Variants in SEMA5B observed in about 807,000 individuals in gnomAD.
SEMA5B encodes semaphorin 5B.
A neutral mutation model predicts 135.0 loss-of-function variants in SEMA5B; 66 were observed. The observed-to-expected ratio is 0.49, with a 90% CI of 0.40 to 0.60. SEMA5B has a LOEUF of 0.60. Among genes scored for constraint, SEMA5B ranks in the 20% least tolerant of loss-of-function variants. The pLI is 0.00. For synonymous variants in SEMA5B, 690 were observed against 639.5 expected (o/e 1.08, Z -1.19); for missense variants, 1,501 against 1,566.3 (o/e 0.96, Z 0.70).
At position 122,987,770 on chromosome 3, in the gene SEMA5B, G is replaced by A. The variant is rs559349988; in HGVS notation, c.-38-26469C>T. Reference sequence around the variant, plus strand: ...GAGAGCCACTGAAATTAATGGGGATGTAAACTACCTTGAATCCCTTTCTGG... The same window carrying A: ...GAGAGCCACTGAAATTAATGGGGATATAAACTACCTTGAATCCCTTTCTGG... On this transcript the variant is annotated intron_variant, in intron 1 of 22. Coordinates refer to ENST00000357599, the MANE Select transcript of SEMA5B (RefSeq NM_001031702.4). Among the ~76,000 whole-genome samples, 38 of 152,328 alleles carry A rather than the reference G, an allele frequency of 2.5e-4. 1 individual carries two copies. The highest frequency in any genetic ancestry group is 3.4e-3 in the Middle Eastern group (1 of 294).
intron 1 of SEMA5B, among the ~76,000 whole-genome samples, chr3:122,982,943 T>C (rs13095472): frequency 0.15 from 22,666 of 152,046 alleles, 2,326 homozygotes; most frequent in Admixed American, 0.34. Context: ...CTTTCGAGAG[T>C]CACTCTCTCC....
chr3:122,948,950 G>A (rs1258625121), intron 2 of SEMA5B, among the ~76,000 whole-genome samples: 1 of 152,144 alleles, frequency 6.6e-6, no homozygotes, highest in Non-Finnish European at 1.5e-5. Context: ...TTCTATTTAT[G>A]ATCCCAAATG....
At chr3:122,978,159 G>A (rs1235617648) in intron 1 of SEMA5B, among the ~76,000 whole-genome samples, 1 of 152,246 alleles carries the variant, frequency 6.6e-6, no homozygotes, top group Non-Finnish European at 1.5e-5. Context: ...ACCAGCACTG[G>A]CACTAACCCA....
rs76428306 is a variant in SEMA5B, at chr3:122,999,564, C to A, written c.-39+27900G>T. On this transcript the variant is annotated intron_variant, in intron 1 of 22. Coordinates refer to ENST00000357599, the MANE Select transcript of SEMA5B (RefSeq NM_001031702.4). The stretch of plus-strand genomic sequence containing the variant: ...TTTTTTTTAAACCCACCAAAGATAA[C>A]GACATCTGTACCTGAGGCAAATGGT... 0.012 allele frequency among the ~76,000 whole-genome samples: 1,852 copies of A among 151,730 alleles called. 80 individuals are homozygous for A. The East Asian group carries it at 0.15, about 12-fold the overall frequency.
At chr3:122,911,807 T>G in intron 20 of SEMA5B, 113 bp downstream of exon 20, 1 of 1,311,760 alleles carries the variant, frequency 7.6e-7, no homozygotes, top group Non-Finnish European at 1.0e-6. Flanking sequence ...CCCACTTCCA[T>G]GTTTCATCCT....
In SEMA5B at chr3:122,915,616, C is replaced by A. The variant is rs145094401; in HGVS notation, c.1812G>T (p.Arg604=). The A allele has an allele frequency of 2.7e-4, 428 of 1,611,436 alleles. 1 individual carries two copies. Among genetic ancestry groups the A allele is most frequent in the Non-Finnish European group, 3.3e-4 (392 of 1,178,344 alleles). ...WTQNITACPV[R]NVTRDGGFGP... ...CGAAGCCCCCATCCCGTGTCACATTCCGCACCTGAAGACACACATGGGAGA... is the reference window on the plus strand; with the variant it reads ...CGAAGCCCCCATCCCGTGTCACATTACGCACCTGAAGACACACATGGGAGA... The change falls in exon 14 of 23, where the codon CGG becomes CGT. Residue 604 remains arginine (R), a synonymous_variant. Coordinates refer to ENST00000357599, the MANE Select transcript of SEMA5B (RefSeq NM_001031702.4).
At chr3:123,020,657 C>T (rs1942654374) in intron 1 of SEMA5B, among the ~76,000 whole-genome samples, 1 of 152,216 alleles carries the variant, frequency 6.6e-6, no homozygotes, top group Admixed American at 6.5e-5. Flanking sequence ...GTCAGTGGCT[C>T]TCAACCATGG....
chr3:122,953,929 GT>G (rs1253259639), intron 2 of SEMA5B, among the ~76,000 whole-genome samples: 26 of 152,358 alleles, frequency 1.7e-4, no homozygotes, highest in African/African-American at 5.8e-4. Context: ...GGATGGTCAT[GT>G]GATCAAAACA....
chr3:122,940,827 G>A (rs1430339923), intron 4 of SEMA5B, among the ~76,000 whole-genome samples: 1 of 152,198 alleles, frequency 6.6e-6, no homozygotes, highest in Non-Finnish European at 1.5e-5. Flanking sequence ...CCTTAGCAGA[G>A]CTCTCCCTAT....
At chr3:122,959,959 G>A (rs1940502129) in intron 2 of SEMA5B, among the ~76,000 whole-genome samples, 2 of 152,192 alleles carry the variant, frequency 1.3e-5, no homozygotes, top group South Asian at 4.2e-4. Context: ...AAATGCTAAG[G>A]ATGTCGCCAG....
intron 1 of SEMA5B, among the ~76,000 whole-genome samples, chr3:123,009,271 C>T: frequency 6.6e-6 from 1 of 152,154 alleles, no homozygotes; most frequent in East Asian, 1.9e-4. Context: ...CTTTCTTCTC[C>T]ATTCCTCACT....
chr3:122,910,085 T>C lies in SEMA5B; in HGVS notation c.*58A>G. Reference sequence around the variant, plus strand: ...AAACCAAACTGGCTCCACTGTCCCATCTCCATCTGCTCTGTGCCTTATGAA... The same window carrying C: ...AAACCAAACTGGCTCCACTGTCCCACCTCCATCTGCTCTGTGCCTTATGAA... On this transcript the variant is annotated 3_prime_UTR_variant, in exon 23 of 23. Transcript: ENST00000357599. 1.3e-6 allele frequency: 2 copies of C among 1,577,752 alleles called. No individual in the cohort carries two copies. Among genetic ancestry groups the C allele is most frequent in the Non-Finnish European group, 1.7e-6 (2 of 1,160,526 alleles).
chr3:122,966,113 G>A (rs1038878510), intron 1 of SEMA5B, among the ~76,000 whole-genome samples: 6 of 152,086 alleles, frequency 3.9e-5, no homozygotes, highest in African/African-American at 1.2e-4. Context: ...CCCTTTAGAA[G>A]TTCCCTCCTC....
intron 1 of SEMA5B, among the ~76,000 whole-genome samples, 184 bp from the exon 2 acceptor site, chr3:122,961,485 G>T: frequency 6.6e-6 from 1 of 151,472 alleles, no homozygotes. Flanking sequence ...TTTTAGGCGG[G>T]GTCTTGCTCT....
chr3:123,027,649 C>A lies in SEMA5B; in HGVS notation c.-224G>T, dbSNP rs1457400854. Reference sequence around the variant, plus strand: ...CGGGCCCGCGCCCGCTGCGCTCGGGCTCCCAGCAGCCGCTGGATGCGCTGC... The same window carrying A: ...CGGGCCCGCGCCCGCTGCGCTCGGGATCCCAGCAGCCGCTGGATGCGCTGC... On this transcript the variant is annotated 5_prime_UTR_variant, in exon 1 of 23. Transcript: ENST00000357599. 6.6e-6 allele frequency: 1 copy of A among 152,208 alleles called. No individual in the cohort carries two copies. Among genetic ancestry groups the A allele is most frequent in the African/African-American group, 2.4e-5 (1 of 41,444 alleles). 9.4% of individuals were successfully genotyped at this position (152,208 alleles called of 1,614,324 possible). A position where few individuals can be genotyped will look rare whatever the true frequency, so the allele number is the denominator to read the frequency against.
chr3:122,911,046 C>G lies in SEMA5B; in HGVS notation c.3092-1G>C. On this transcript the variant is annotated splice_acceptor_variant, in intron 21 of 22. Coordinates refer to ENST00000357599, the MANE Select transcript of SEMA5B (RefSeq NM_001031702.4). LOFTEE classifies it high-confidence loss of function. ...GCCACCAAGTGGATGAGATTGAACC[C>G]TAGGGGAAGAGAGGCAGGTAGTAAG... The G allele has an allele frequency of 6.2e-7, 1 of 1,609,558 alleles. No homozygotes were observed. Among genetic ancestry groups the G allele is most frequent in the Non-Finnish European group, 8.5e-7 (1 of 1,176,894 alleles).
Position 122,910,877 on chromosome 3 carries a change from G to T in SEMA5B, c.3260C>A (p.Thr1087Asn). The change falls in exon 22 of 23, where the codon ACC becomes AAC. Residue 1087 changes from threonine to asparagine, a missense_variant. Physicochemically the swap from Thr to Asn is moderately conservative, Grantham distance 65. Around this residue, in one of 2 missense-constraint regions of SEMA5B, gnomAD observed 927 missense variants for 881.6 expected, o/e 1.05. Transcript: ENST00000357599. ...GGGTGTGTACTTTTCATTCTTCGGG[G>T]TGCCTCCGCCCTTGTAGTGCAAATG... Reference protein sequence around the residue: ...PNHLHYKGGGTPKNEKYTPME... With the variant: ...PNHLHYKGGGNPKNEKYTPME... 1.2e-6 allele frequency: 2 copies of T among 1,613,262 alleles called. No individual in the cohort carries two copies. The highest frequency in any genetic ancestry group is 1.1e-5 in the South Asian group (1 of 91,020).
At chr3:122,918,058 C>T (rs532870143) in intron 12 of SEMA5B, among the ~76,000 whole-genome samples, 1 of 152,140 alleles carries the variant, frequency 6.6e-6, no homozygotes, top group Non-Finnish European at 1.5e-5. Context: ...GGGGCATCAA[C>T]CTCTTACAGG....
chr3:122,980,436 T>C (rs1941483582), intron 1 of SEMA5B, among the ~76,000 whole-genome samples: 1 of 139,278 alleles, frequency 7.2e-6, no homozygotes, highest in Non-Finnish European at 1.5e-5. Context: ...CTCCAGCCTG[T>C]ACAACAAGAG....
Sources: gnomAD v4.1 joint callset for allele counts (sites outside exome capture counted in the v4.1 genomes callset) on GRCh38, gnomAD v4.1.1 for gene constraint, gnomAD v4.1.1 regional missense constraint, MANE v1.5 for transcripts, NCBI Gene and HGNC (gene_info 2026-07-23, HGNC 2026-07-21) for gene names.